Variants in EYS observed in about 807,000 individuals in gnomAD.
The protein encoded by EYS is EGF-like photoreceptor maintenance factor, also known as protein eyes shut homolog.
In EYS, 250 loss-of-function variants were observed where a neutral mutation model predicts 282.1. That is an observed-to-expected ratio of 0.89 (90% CI 0.80 to 0.98). The LOEUF is 0.98. Among genes scored for constraint, EYS ranks in the 50% least tolerant of loss-of-function variants. The pLI, the probability that EYS is intolerant of heterozygous loss-of-function variation, is 0.00. For synonymous variants in EYS, 1,355 were observed against 1,282.9 expected, an observed-to-expected ratio of 1.06 and a Z score of -1.20; for missense variants, 4,016 against 3,709.0, an observed-to-expected ratio of 1.08 and a Z score of -2.15.
Position 65,405,255 on chromosome 6 carries a change from G to A in EYS, c.975C>T (p.Ser325=). 6.2e-7 allele frequency: 1 copy of A among 1,613,190 alleles called. No individual in the cohort carries two copies. Among genetic ancestry groups the A allele is most frequent in the Admixed American group, 1.7e-5 (1 of 59,932 alleles). Residue 325 remains serine, a synonymous_variant, in exon 6 of 43, where the codon TCC becomes TCT. Coordinates refer to ENST00000503581, the MANE Select transcript of EYS (RefSeq NM_001142800.2). ...AYTYECPKGS[S]SQNGETDVSE... is the part of the protein sequence containing the mutation. ...TGACATCAGTTTCACCATTTTGGCT[G>A]GAAGATCCTTTTGGGCATTCATAAG... is the stretch of plus-strand genomic sequence containing the variant.
Position 64,436,235 on chromosome 6 carries a change from A to G in EYS, c.5866T>C (p.Phe1956Leu). 6.5e-7 allele frequency: 1 copy of G among 1,544,234 alleles called. No individual in the cohort carries two copies. Among genetic ancestry groups the G allele is most frequent in the Non-Finnish European group, 8.8e-7 (1 of 1,142,322 alleles). The change falls in exon 28 of 43, where the codon TTT (phenylalanine) becomes CTT (leucine). Residue 1956 changes from phenylalanine to leucine, a missense_variant. Coordinates refer to ENST00000503581, the MANE Select transcript of EYS (RefSeq NM_001142800.2). ...YHFYCPGEAK[F>L]KSINTTVRVD... is the part of the protein sequence containing the mutation. The stretch of plus-strand genomic sequence containing the variant: ...CTAACAGTAGTATTAATGCTTTTAA[A>G]TTTTGCTTCACCAGGACAGTAAAAG...
chr6:65,666,956 G>T (rs1478972042), intron 1 of EYS, among the ~76,000 whole-genome samples: 1 of 146,964 alleles, frequency 6.8e-6, no homozygotes, highest in African/African-American at 2.5e-5. Context: ...GCCACCCAAT[G>T]TAAAAAAAAA....
rs898429222 is a variant in EYS, at chr6:64,120,716, A to C, written c.6425-38714T>G. On this transcript the variant is annotated intron_variant, in intron 31 of 42. Transcript: ENST00000503581. ...ATGGTGCTTATAGGAACATACTATT[A>C]TAGGTAGTTTTTAATTATTATTATA... 5.9e-5 allele frequency among the ~76,000 whole-genome samples: 9 copies of C among 152,152 alleles called. 1 individual carries two copies. Among genetic ancestry groups the C allele is most frequent in the African/African-American group, 2.2e-4 (9 of 41,446 alleles).
chr6:64,859,643 C>G (rs1244484525), intron 19 of EYS, among the ~76,000 whole-genome samples: 1 of 152,162 alleles, frequency 6.6e-6, no homozygotes, highest in Admixed American at 6.5e-5. Context: ...CCTGCACAAC[C>G]TCTCTTCTCT....
At chr6:65,503,893 T>C (rs966445101) in intron 2 of EYS, among the ~76,000 whole-genome samples, 3 of 151,672 alleles carry the variant, frequency 2.0e-5, no homozygotes, top group African/African-American at 7.2e-5. Flanking sequence ...AGGCAGAGTG[T>C]ATTCTCCAAC....
intron 22 of EYS, among the ~76,000 whole-genome samples, chr6:64,722,934 CAAGT>C (rs1163609410): frequency 3.9e-5 from 6 of 152,068 alleles, no homozygotes; most frequent in Non-Finnish European, 8.8e-5. Context: ...GGGACACTCT[CAAGT>C]ATAGCTTAAA....
chr6:65,024,199 A>C (rs1772330312), intron 13 of EYS, among the ~76,000 whole-genome samples: 1 of 152,226 alleles, frequency 6.6e-6, no homozygotes. Context: ...GCTGGTGCTC[A>C]TATGTCTAGG....
chr6:64,058,296 T>C (rs1771053521), intron 33 of EYS, among the ~76,000 whole-genome samples: 1 of 152,026 alleles, frequency 6.6e-6, no homozygotes, highest in African/African-American at 2.4e-5. Context: ...GAATGGTCTA[T>C]ATTTTGAGTG....
chr6:63,987,598 G>A (rs958759823), intron 34 of EYS, among the ~76,000 whole-genome samples: 3 of 151,666 alleles, frequency 2.0e-5, no homozygotes, highest in African/African-American at 7.3e-5. Context: ...CTTCAGGGCT[G>A]TTAGGCATAT....
intron 22 of EYS, among the ~76,000 whole-genome samples, chr6:64,651,842 CTTAT>C (rs1439041876): frequency 2.6e-5 from 4 of 152,218 alleles, no homozygotes; most frequent in Admixed American, 6.5e-5. Flanking sequence ...AATGTTTTCT[CTTAT>C]TTATCATTTT....
intron 2 of EYS, among the ~76,000 whole-genome samples, chr6:65,577,837 C>T (rs1266364968): frequency 4.0e-5 from 6 of 150,884 alleles, no homozygotes; most frequent in Non-Finnish European, 8.9e-5. Flanking sequence ...GAAAAAAATG[C>T]TCAAATTACT....
chr6:64,799,432 T>C (rs1287430706), intron 22 of EYS, among the ~76,000 whole-genome samples: 3 of 151,994 alleles, frequency 2.0e-5, no homozygotes, highest in East Asian at 3.9e-4. Flanking sequence ...TGTTCTTATA[T>C]ACTCTATTCC....
chr6:63,989,496 T>A (rs1483447658), intron 34 of EYS, among the ~76,000 whole-genome samples: 1 of 151,726 alleles, frequency 6.6e-6, no homozygotes, highest in Non-Finnish European at 1.5e-5. Context: ...CCTCTCTTTA[T>A]CTTACTTTTC....
intron 26 of EYS, among the ~76,000 whole-genome samples, chr6:64,507,452 A>C (rs1183958963): frequency 6.6e-6 from 1 of 152,224 alleles, no homozygotes; most frequent in East Asian, 1.9e-4. Flanking sequence ...AAAATTGTCC[A>C]TTCCCTATAT....
Position 64,802,029 on chromosome 6 carries a change from TTTTC to T in EYS, c.3443+11345_3443+11348del, listed in dbSNP as rs1583172919. Among the ~76,000 whole-genome samples, 315 of 113,864 alleles carry T rather than the reference TTTTC, an allele frequency of 2.8e-3. 5 individuals carry two copies. Among genetic ancestry groups the T allele is most frequent in the African/African-American group, 6.0e-3 (168 of 28,188 alleles). The allele number at this position is 113,864 out of a possible 152,430, so 74.7% of individuals were successfully genotyped here. ...TTATAACAAATTTCTTTTTCTTTTT[TTTTC>T]TTTTTTTTTTTTTTTTTTGAGACGG... On this transcript the variant is annotated intron_variant, in intron 22 of 42. Coordinates refer to ENST00000503581, the MANE Select transcript of EYS (RefSeq NM_001142800.2).
intron 36 of EYS, among the ~76,000 whole-genome samples, chr6:63,811,199 A>G (rs1582230917): frequency 1.3e-5 from 2 of 152,314 alleles, no homozygotes. Flanking sequence ...TCTCTGCTCA[A>G]CATACTATCA....
chr6:64,108,599 T>C (rs1029853410), intron 31 of EYS, among the ~76,000 whole-genome samples: 8 of 151,080 alleles, frequency 5.3e-5, no homozygotes, highest in African/African-American at 2.0e-4. Context: ...TAGAAACACT[T>C]GCCTTTGAAG....
chr6:65,293,603 C>G (rs1199645214), intron 12 of EYS, among the ~76,000 whole-genome samples: 1 of 151,840 alleles, frequency 6.6e-6, no homozygotes, highest in Non-Finnish European at 1.5e-5. Flanking sequence ...CCATACAACT[C>G]CTCTTCATTA....
intron 31 of EYS, among the ~76,000 whole-genome samples, chr6:64,162,050 C>T (rs1215614534): frequency 1.3e-5 from 2 of 152,082 alleles, no homozygotes; most frequent in African/African-American, 2.4e-5. Context: ...AACCTATACC[C>T]TCTTGCTCTA....
Sources: allele counts gnomAD v4.1 joint callset (sites outside exome capture counted in the v4.1 genomes callset), GRCh38; gene constraint gnomAD v4.1.1; transcripts MANE v1.5; gene names NCBI Gene and HGNC (gene_info 2026-07-23, HGNC 2026-07-21).